Variants in PDE6C observed in about 807,000 individuals in gnomAD.
PDE6C encodes cone cGMP-specific 3',5'-cyclic phosphodiesterase subunit alpha'.
PDE6C carries 75 observed loss-of-function variants against 113.1 expected under a neutral mutation model. The ratio of observed to expected loss-of-function variants is 0.66; its 90% CI spans 0.55 to 0.80. The LOEUF (loss-of-function observed/expected upper bound fraction) is 0.80. PDE6C is among the 30% of genes least tolerant of loss of function. The pLI, the probability that PDE6C is intolerant of heterozygous loss-of-function variation, is 0.00. For missense variants in PDE6C, 912 were observed against 1,038.6 expected (o/e 0.88, Z 1.67); for synonymous variants, 375 against 363.7 (o/e 1.03, Z -0.35).
chr10:93,655,699 A>G, intron 15 of PDE6C, 61 bp from the exon 16 acceptor site: 1 of 830,422 alleles, frequency 1.2e-6, no homozygotes, highest in Non-Finnish European at 2.1e-6. Context: ...TGTTAAGCAT[A>G]GTTTCATTTG....
At chr10:93,657,328 A>ATTTTTTTTTTTTTTTT (rs71031526) in intron 16 of PDE6C, among the ~76,000 whole-genome samples, 2 of 88,286 alleles carry the variant, frequency 2.3e-5, no homozygotes, top group African/African-American at 4.6e-5. Flanking sequence ...CGCCTGGCTA[A>ATTTTTTTTTTTTTTTT]TTTTTTTTTT....
At chr10:93,663,687 T>TCCA (rs10699606) in intron 21 of PDE6C, among the ~76,000 whole-genome samples, 100,523 of 151,632 alleles carry the variant, frequency 0.66, 34,074 homozygotes, top group Middle Eastern at 0.79. Context: ...CCCAAATGTC[T>TCCA]CATTGGGAGA....
chr10:93,647,580 A>T (rs1363008262), intron 15 of PDE6C, among the ~76,000 whole-genome samples: 1 of 152,196 alleles, frequency 6.6e-6, no homozygotes, highest in Admixed American at 6.5e-5. Context: ...TTGGCAAAGC[A>T]CTAACCTCAT....
At chr10:93,636,368 T>TTGTGTGTGTGTGTGTGTGTG (rs56143950) in intron 10 of PDE6C, among the ~76,000 whole-genome samples, 8 of 141,358 alleles carry the variant, frequency 5.7e-5, no homozygotes, top group East Asian at 2.1e-4. Flanking sequence ...TTCCCTGGCT[T>TTGTGTGTGTGTGTGTGTGTG]TGTGTGTGTG....
At chr10:93,624,385 T>C (rs1362172528) in intron 4 of PDE6C, among the ~76,000 whole-genome samples, 5 of 152,102 alleles carry the variant, frequency 3.3e-5, no homozygotes, top group African/African-American at 2.4e-5. Context: ...ATTATAGGCC[T>C]GTACCACCAC....
chr10:93,612,711 A>C lies in PDE6C; in HGVS notation c.-15A>C. The C allele has an allele frequency of 1.2e-6, 2 of 1,613,476 alleles. No homozygotes were observed. The highest frequency in any genetic ancestry group is 1.7e-6 in the Non-Finnish European group (2 of 1,180,046). On this transcript the variant is annotated 5_prime_UTR_variant, in exon 1 of 22. Transcript: ENST00000371447. ...GTCGTCCTTTCTGAACAAACGCAGC[A>C]AAGCAAGCCACACCATGGGTGAGAT...
At chr10:93,659,806 C>A (rs1459749918) in intron 18 of PDE6C, among the ~76,000 whole-genome samples, 1 of 152,208 alleles carries the variant, frequency 6.6e-6, no homozygotes, top group African/African-American at 2.4e-5. Flanking sequence ...CAAACTATAT[C>A]AATGAGGTAA....
At chr10:93,622,649 T>G (rs2184777) in intron 4 of PDE6C, among the ~76,000 whole-genome samples, 25 of 70,280 alleles carry the variant, frequency 3.6e-4, no homozygotes, top group South Asian at 1.2e-3. Context: ...GTTTTTTTTT[T>G]GTTTTTTTTT....
chr10:93,655,610 C>CAAA lies in PDE6C; in HGVS notation c.1936-134_1936-132dup. 718 of 331,148 alleles carry CAAA rather than the reference C, an allele frequency of 2.2e-3. 2 individuals carry two copies. Among genetic ancestry groups the CAAA allele is most frequent in the African/African-American group, 0.018 (402 of 22,104 alleles). 20.5% of individuals were successfully genotyped at this position (331,148 alleles called of 1,614,324 possible). A position where few individuals can be genotyped will look rare whatever the true frequency, so the allele number is the denominator to read the frequency against. On this transcript the variant is annotated intron_variant, in intron 15 of 21. Coordinates refer to ENST00000371447, the MANE Select transcript of PDE6C (RefSeq NM_006204.4). ...CATGAGATAAAAACTAAAAGCAAGC[C>CAAA]AAAAAAAAAAAAAAAAAAGGAAGGA...
intron 10 of PDE6C, among the ~76,000 whole-genome samples, chr10:93,636,297 G>C (rs530799316): frequency 5.9e-4 from 90 of 151,752 alleles, no homozygotes; most frequent in South Asian, 2.5e-3. Flanking sequence ...TGCTAACCAT[G>C]TTCTAATCAC....
chr10:93,654,750 T>TTTTCTTTC (rs1218959114), intron 15 of PDE6C, among the ~76,000 whole-genome samples: 2,249 of 120,660 alleles, frequency 0.019, 47 homozygotes, highest in Admixed American at 0.028. Flanking sequence ...TATATACTCA[T>TTTTCTTTC]TTTCTTTCTT....
intron 1 of PDE6C, among the ~76,000 whole-genome samples, chr10:93,613,497 C>T (rs909177408): frequency 6.6e-6 from 1 of 152,200 alleles, no homozygotes; most frequent in African/African-American, 2.4e-5. Flanking sequence ...GGCCCTGGTG[C>T]ATTCCACACA....
At chr10:93,645,624 C>T (rs1336961021) in intron 14 of PDE6C, among the ~76,000 whole-genome samples, 3 of 152,112 alleles carry the variant, frequency 2.0e-5, no homozygotes, top group Non-Finnish European at 4.4e-5. Context: ...ATGCAGATAA[C>T]CTATGGGCCT....
Position 93,630,293 on chromosome 10 carries a change from G to A in PDE6C, c.1119+988G>A, listed in dbSNP as rs905872788. ...CTTCTCCCCATCAGGGCTTCCTGCT[G>A]GAACCTGGCTGCAGACCCGAGTTGA... On this transcript the variant is annotated intron_variant, in intron 8 of 21. Coordinates refer to ENST00000371447, the MANE Select transcript of PDE6C (RefSeq NM_006204.4). Among the ~76,000 whole-genome samples, 3 of 152,060 alleles carry A rather than the reference G, an allele frequency of 2.0e-5. No individual in the cohort carries two copies. In the South Asian group the frequency reaches 6.3e-4, roughly 32 times the overall value.
In PDE6C at chr10:93,635,249, T is replaced by G. The variant is rs574895189; in HGVS notation, c.1270-248T>G. 2.0e-5 allele frequency among the ~76,000 whole-genome samples: 3 copies of G among 152,342 alleles called. No individual in the cohort carries two copies. In the South Asian group the frequency reaches 6.2e-4, roughly 32 times the overall value. ...AGCCCCCTGCCTAATTTTTAGGTCC[T>G]GCTTGACTATACTGGTGTTGGTAAC... On this transcript the variant is annotated intron_variant, in intron 9 of 21. Transcript: ENST00000371447.
chr10:93,633,142 G>A (rs1331539964), intron 8 of PDE6C, among the ~76,000 whole-genome samples: 1 of 152,110 alleles, frequency 6.6e-6, no homozygotes, highest in African/African-American at 2.4e-5. Context: ...ACTTCAGAGG[G>A]CATCAGAATT....
At chr10:93,618,807 A>G (rs2058432049) in intron 1 of PDE6C, among the ~76,000 whole-genome samples, 1 of 152,164 alleles carries the variant, frequency 6.6e-6, no homozygotes. Context: ...CTATTGGCCA[A>G]CCAGCCCTTG....
chr10:93,633,359 G>A (rs1021951073), intron 8 of PDE6C, among the ~76,000 whole-genome samples: 6 of 151,426 alleles, frequency 4.0e-5, no homozygotes, highest in Non-Finnish European at 7.4e-5. Context: ...CCAGCTACTC[G>A]TGAGGCTGAG....
At position 93,627,123 on chromosome 10, in the gene PDE6C, G is replaced by A. The variant is rs145264043; in HGVS notation, c.1071+252G>A. ...ACTAAAAATACAAAATTAGCTGGGCGTGGTGGCACATGCCTGTAATGCCAG... is the reference window on the plus strand; with the variant it reads ...ACTAAAAATACAAAATTAGCTGGGCATGGTGGCACATGCCTGTAATGCCAG... On this transcript the variant is annotated intron_variant, in intron 7 of 21. Transcript: ENST00000371447. Among the ~76,000 whole-genome samples the A allele has an allele frequency of 6.5e-3, 993 of 152,048 alleles. 7 individuals are homozygous for A. Among genetic ancestry groups the A allele is most frequent in the African/African-American group, 0.022 (897 of 41,466 alleles).
Sources: gnomAD v4.1 joint callset for allele counts (sites outside exome capture counted in the v4.1 genomes callset) on GRCh38, gnomAD v4.1.1 for gene constraint, MANE v1.5 for transcripts, NCBI Gene and HGNC (gene_info 2026-07-23, HGNC 2026-07-21) for gene names.